GRIA2: variants seen among roughly 807,000 people sequenced by gnomAD.
GRIA2 encodes the protein glutamate ionotropic receptor AMPA type subunit 2.
GRIA2 carries 14 observed loss-of-function variants against 97.3 expected under a neutral mutation model. The observed-to-expected ratio is 0.14, with a 90% confidence interval of 0.10 to 0.23. GRIA2 has a LOEUF of 0.23. Among genes scored for constraint, GRIA2 ranks in the 10% least tolerant of loss-of-function variants. GRIA2 has a pLI of 1.00. For synonymous variants in GRIA2, 412 were observed against 387.8 expected, an observed-to-expected ratio of 1.06 and a Z score of -0.73; for missense variants, 558 against 1,069.8, an observed-to-expected ratio of 0.52 and a Z score of 6.67.
intron 12 of GRIA2, among the ~76,000 whole-genome samples, chr4:157,355,908 T>TATATTAATATATTTATATATAA (rs1736285451): frequency 1.6e-5 from 1 of 61,800 alleles, no homozygotes; most frequent in Non-Finnish European, 3.1e-5. Flanking sequence ...TATAAATATA[T>TATATTAATATATTTATATATAA]ATATATTAAT....
intron 2 of GRIA2, among the ~76,000 whole-genome samples, chr4:157,251,416 TA>T (rs1360527936): frequency 6.6e-6 from 1 of 152,136 alleles, no homozygotes. Flanking sequence ...CATTTTATTT[TA>T]TTTTTTTAGA....
intron 15 of GRIA2, 55 bp downstream of exon 15, chr4:157,363,102 C>A: frequency 2.0e-6 from 3 of 1,514,252 alleles, no homozygotes; most frequent in Non-Finnish European, 2.7e-6. Context: ...TTTCTTGTTG[C>A]GTCCTTAAGC....
At chr4:157,339,208 A>G (rs765356817) in intron 11 of GRIA2, among the ~76,000 whole-genome samples, 20 of 151,986 alleles carry the variant, frequency 1.3e-4, no homozygotes, top group Non-Finnish European at 2.5e-4. Context: ...ATTGTCCCCA[A>G]TGACCCTAAA....
At chr4:157,301,472 G>T (rs923916901) in intron 2 of GRIA2, among the ~76,000 whole-genome samples, 1 of 152,160 alleles carries the variant, frequency 6.6e-6, no homozygotes, top group Non-Finnish European at 1.5e-5. Context: ...CTTTGTAGAA[G>T]ATTGGTAATA....
chr4:157,320,322 G>A (rs1324596962), intron 5 of GRIA2, among the ~76,000 whole-genome samples: 1 of 151,914 alleles, frequency 6.6e-6, no homozygotes, highest in African/African-American at 2.4e-5. Flanking sequence ...ACTCATGTGG[G>A]ATACACAAAA....
At chr4:157,299,470 T>C (rs1733515603) in intron 2 of GRIA2, among the ~76,000 whole-genome samples, 1 of 152,120 alleles carries the variant, frequency 6.6e-6, no homozygotes, top group Non-Finnish European at 1.5e-5. Context: ...AACTTATAAA[T>C]CTAAAATATG....
At chr4:157,260,505 C>G (rs1487450457) in intron 2 of GRIA2, among the ~76,000 whole-genome samples, 1 of 151,986 alleles carries the variant, frequency 6.6e-6, no homozygotes, top group East Asian at 1.9e-4. Context: ...ATCCTAGCAC[C>G]ATGAACGAGG....
chr4:157,329,277 A>G (rs974223750), intron 6 of GRIA2, among the ~76,000 whole-genome samples: 5 of 151,952 alleles, frequency 3.3e-5, no homozygotes, highest in Non-Finnish European at 7.4e-5. Flanking sequence ...ATTTTGTAAA[A>G]GGATGAAACT....
At chr4:157,282,111 G>A (rs1448840258) in intron 2 of GRIA2, among the ~76,000 whole-genome samples, 1 of 151,984 alleles carries the variant, frequency 6.6e-6, no homozygotes, top group African/African-American at 2.4e-5. Context: ...TGCCATTTTG[G>A]CTTCTGTTAA....
intron 2 of GRIA2, among the ~76,000 whole-genome samples, chr4:157,301,957 G>A (rs1434880751): frequency 1.3e-5 from 2 of 151,806 alleles, no homozygotes; most frequent in African/African-American, 2.4e-5. Flanking sequence ...GGTGGATCAC[G>A]AGGTCAGGAG....
chr4:157,239,501 A>G (rs1730405841), intron 2 of GRIA2, among the ~76,000 whole-genome samples: 2 of 151,940 alleles, frequency 1.3e-5, no homozygotes, highest in Non-Finnish European at 2.9e-5. Context: ...TTAATAACAT[A>G]ATTCTGTTGT....
chr4:157,247,253 G>T (rs1730771920), intron 2 of GRIA2, among the ~76,000 whole-genome samples: 2 of 152,150 alleles, frequency 1.3e-5, no homozygotes, highest in Admixed American at 1.3e-4. Context: ...AAGATACTAG[G>T]AGAACAAAAA....
chr4:157,289,480 T>C (rs1391507346), intron 2 of GRIA2, among the ~76,000 whole-genome samples: 4 of 151,848 alleles, frequency 2.6e-5, no homozygotes, highest in Non-Finnish European at 5.9e-5. Flanking sequence ...CATTTTATTT[T>C]GTAGAGGTTG....
chr4:157,289,249 T>TAAACACATAAGGACTTATATAATTAAA (rs1732982565), intron 2 of GRIA2, among the ~76,000 whole-genome samples: 1 of 151,934 alleles, frequency 6.6e-6, no homozygotes, highest in Non-Finnish European at 1.5e-5. Flanking sequence ...AATGTGGACA[T>TAAACACATAAGGACTTATATAATTAAA]AAACACATAA....
chr4:157,248,499 G>A (rs530979146), intron 2 of GRIA2, among the ~76,000 whole-genome samples: 82 of 106,570 alleles, frequency 7.7e-4, no homozygotes, highest in African/African-American at 2.5e-3. Context: ...CTCGGGAGGC[G>A]GAGGTTTCAG....
intron 14 of GRIA2, 59 bp from the exon 15 acceptor site, chr4:157,362,740 G>C (rs912077814): frequency 3.7e-5 from 53 of 1,438,678 alleles, no homozygotes; most frequent in Non-Finnish European, 5.1e-5. Flanking sequence ...TGACATTGCT[G>C]TTCTCTTCTA....
At chr4:157,342,500 T>G in intron 12 of GRIA2, 1 of 972,538 alleles carries the variant, frequency 1.0e-6, no homozygotes, top group Non-Finnish European at 1.2e-6. Flanking sequence ...TGCAAAAATG[T>G]GGACCATCAG....
intron 2 of GRIA2, among the ~76,000 whole-genome samples, chr4:157,253,139 C>T (rs1355988980): frequency 6.8e-6 from 1 of 147,994 alleles, no homozygotes; most frequent in Non-Finnish European, 1.5e-5. Flanking sequence ...TTTTTTGAGA[C>T]AGGGTCTTGC....
chr4:157,303,893 A>C, intron 3 of GRIA2, 102 bp downstream of exon 3: 1 of 1,221,746 alleles, frequency 8.2e-7, no homozygotes, highest in Non-Finnish European at 1.2e-6. Flanking sequence ...ATAAAGCCCA[A>C]GGATCCCTTG....
Sources: gnomAD v4.1 joint callset for allele counts (sites outside exome capture counted in the v4.1 genomes callset) on GRCh38, gnomAD v4.1.1 for gene constraint, MANE v1.5 for transcripts, NCBI Gene and HGNC (gene_info 2026-07-23, HGNC 2026-07-21) for gene names.